The following ABCB11 variants were observed in gnomAD, a reference collection of about 807,000 sequenced individuals.
ABCB11 encodes the protein bile salt export pump.
Under a neutral mutation model 148.0 loss-of-function variants are expected in ABCB11, and 95 were observed. The ratio of observed to expected loss-of-function variants is 0.64; its 90% CI spans 0.54 to 0.76. The LOEUF is 0.76. Ranked by LOEUF, ABCB11 falls within the 30% of genes least tolerant of loss-of-function variation. The pLI is 0.00. For synonymous variants in ABCB11, 591 were observed against 555.4 expected (o/e 1.06, Z -0.90); for missense variants, 1,523 against 1,617.8 (o/e 0.94, Z 1.01).
chr2:168,983,937 G>C (rs1467041680), intron 10 of ABCB11, among the ~76,000 whole-genome samples: 1 of 152,030 alleles, frequency 6.6e-6, no homozygotes, highest in Non-Finnish European at 1.5e-5. Flanking sequence ...AGATTTTACT[G>C]TCTGAGGGTA....
chr2:168,945,107 G>C, intron 19 of ABCB11, 146 bp from the exon 20 acceptor site: 1 of 592,548 alleles, frequency 1.7e-6, no homozygotes, highest in Non-Finnish European at 3.0e-6. Context: ...GAACCCTAAT[G>C]TAAGCTGTGG....
In ABCB11 at chr2:169,009,590, A is replaced by AG. The variant is rs1417797660; in HGVS notation, c.389+3681dup. Among the ~76,000 whole-genome samples the AG allele has an allele frequency of 3.4e-3, 217 of 64,446 alleles. 1 individual carries two copies. In the Middle Eastern group the frequency reaches 0.065, roughly 19 times the overall value. The allele number at this position is 64,446 out of a possible 152,430, so 42.3% of individuals were successfully genotyped here. ...CTGGGGCCTGTTGTGGGGTGGGGGG[A>AG]GGGGGGAGGGATAGCATCAGGAGAA... On this transcript the variant is annotated intron_variant, in intron 5 of 27. Coordinates refer to ENST00000650372, the MANE Select transcript of ABCB11 (RefSeq NM_003742.4).
chr2:168,974,514 C>A (rs766791324), intron 12 of ABCB11, among the ~76,000 whole-genome samples: 1 of 151,918 alleles, frequency 6.6e-6, no homozygotes, highest in Non-Finnish European at 1.5e-5. Flanking sequence ...CAAAACCTCA[C>A]GCCTTTCATT....
intron 22 of ABCB11, among the ~76,000 whole-genome samples, chr2:168,935,728 C>T (rs1038918062): frequency 1.3e-5 from 2 of 152,188 alleles, no homozygotes; most frequent in South Asian, 4.1e-4. Context: ...TAGCTAAAAC[C>T]TAAGTGTATC....
At chr2:168,963,690 C>T (rs890370422) in intron 18 of ABCB11, among the ~76,000 whole-genome samples, 1 of 151,750 alleles carries the variant, frequency 6.6e-6, no homozygotes, top group African/African-American at 2.4e-5. Flanking sequence ...TGTATGAAAT[C>T]AACAAATGTC....
chr2:168,981,438 C>A (rs1039245994), intron 10 of ABCB11, among the ~76,000 whole-genome samples: 1 of 152,094 alleles, frequency 6.6e-6, no homozygotes, highest in African/African-American at 2.4e-5. Flanking sequence ...TCTTCATCTG[C>A]AACACAGGGA....
intron 10 of ABCB11, among the ~76,000 whole-genome samples, chr2:168,984,675 T>G (rs1694254237): frequency 6.6e-6 from 1 of 152,180 alleles, no homozygotes; most frequent in Admixed American, 6.6e-5. Flanking sequence ...TCATGGCATA[T>G]TTTCTTTTTG....
At chr2:168,999,948 T>C (rs989725429) in intron 5 of ABCB11, among the ~76,000 whole-genome samples, 1 of 152,146 alleles carries the variant, frequency 6.6e-6, no homozygotes, top group African/African-American at 2.4e-5. Context: ...TGAGTGATGG[T>C]AGAGTGATCC....
intron 19 of ABCB11, among the ~76,000 whole-genome samples, chr2:168,945,801 G>A (rs1268878295): frequency 6.6e-6 from 1 of 151,794 alleles, no homozygotes; most frequent in African/African-American, 2.4e-5. Context: ...TAATTTGCCG[G>A]TTAATTAGTT....
chr2:168,964,925 C>A (rs1011089214), intron 17 of ABCB11, among the ~76,000 whole-genome samples: 1 of 151,774 alleles, frequency 6.6e-6, no homozygotes, highest in Non-Finnish European at 1.5e-5. Flanking sequence ...ACTTACAAAC[C>A]AATGCCAGGT....
At chr2:168,962,428 C>T (rs561594853) in intron 18 of ABCB11, among the ~76,000 whole-genome samples, 1 of 151,670 alleles carries the variant, frequency 6.6e-6, no homozygotes, top group East Asian at 2.0e-4. Context: ...TGAATTGTTC[C>T]TGCATCAAGA....
intron 19 of ABCB11, among the ~76,000 whole-genome samples, chr2:168,946,119 T>C (rs1692293745): frequency 6.6e-6 from 1 of 151,858 alleles, no homozygotes; most frequent in African/African-American, 2.4e-5. Flanking sequence ...GTGAAATGGA[T>C]TTTGTGCATA....
Position 168,924,780 on chromosome 2 carries a change from G to A in ABCB11, c.3642C>T (p.Ser1214=). ...LPEKYETNVG[S]QGSQLSRGEK... The stretch of plus-strand genomic sequence containing the variant: ...CCCCTCTAGAGAGTTGAGACCCCTG[G>A]GACCCAACGTTAGTTTCATATTTCT... The change falls in exon 27 of 28, where the codon TCC becomes TCT. Residue 1214 remains serine, a synonymous_variant. Coordinates refer to ENST00000650372, the MANE Select transcript of ABCB11 (RefSeq NM_003742.4). 1.2e-6 allele frequency: 2 copies of A among 1,606,184 alleles called. No individual in the cohort carries two copies. The highest frequency in any genetic ancestry group is 1.1e-5 in the South Asian group (1 of 88,968).
In ABCB11 at chr2:168,958,086, C is replaced by T. The variant is rs756337359; in HGVS notation, c.2221G>A (p.Val741Ile). The change falls in exon 19 of 28, where the codon GTT becomes ATT. Residue 741 changes from valine (V) to isoleucine (I), a missense_variant. Coordinates refer to ENST00000650372, the MANE Select transcript of ABCB11 (RefSeq NM_003742.4). ...PVQEEVEPAP[V>I]RRILKFSAPE... ...GCACTGAATTTCAGAATCCTCCTAA[C>T]TGGGGCAGGTTCAACTTCTTCCTGC... 5.0e-6 allele frequency: 8 copies of T among 1,611,146 alleles called. No homozygotes were observed. The African/African-American group carries it at 9.4e-5, about 19-fold the overall frequency.
chr2:168,930,702 A>G lies in ABCB11; in HGVS notation c.3374T>C (p.Leu1125Pro). The G allele has an allele frequency of 6.3e-7, 1 of 1,580,656 alleles. No individual in the cohort carries two copies. The highest frequency in any genetic ancestry group is 8.6e-7 in the Non-Finnish European group (1 of 1,157,776). The change falls in exon 25 of 28, where the codon CTG becomes CCG. Residue 1125 changes from leucine to proline, a missense_variant. Coordinates refer to ENST00000650372, the MANE Select transcript of ABCB11 (RefSeq NM_003742.4). ...SGCGKSTSIQ[L>P]LERFYDPDQG... is the part of the protein sequence containing the mutation. ...ATCAGGATCATAGAAACGTTCCAAC[A>G]GCTGAATGCTAGTGCTTTTGCCACA... is the stretch of plus-strand genomic sequence containing the variant.
intron 17 of ABCB11, among the ~76,000 whole-genome samples, chr2:168,965,671 T>C (rs1558890873): frequency 6.6e-6 from 1 of 151,810 alleles, no homozygotes; most frequent in Non-Finnish European, 1.5e-5. Flanking sequence ...TCACCTGAAG[T>C]AAATGGTGTA....
At chr2:168,974,604 A>T (rs552151029) in intron 12 of ABCB11, among the ~76,000 whole-genome samples, 1 of 152,096 alleles carries the variant, frequency 6.6e-6, no homozygotes, top group East Asian at 1.9e-4. Context: ...GCAAGCAGGC[A>T]TCAAATGTGC....
chr2:168,934,266 A>G (rs1461036090), intron 23 of ABCB11, among the ~76,000 whole-genome samples: 2 of 152,106 alleles, frequency 1.3e-5, no homozygotes, highest in African/African-American at 4.8e-5. Flanking sequence ...GTGGGAGAGA[A>G]GTGCTGAAAG....
chr2:168,942,447 A>G (rs1692106526), intron 21 of ABCB11, among the ~76,000 whole-genome samples: 1 of 151,822 alleles, frequency 6.6e-6, no homozygotes, highest in African/African-American at 2.4e-5. Flanking sequence ...ATTAGTGTGC[A>G]GGGATTTGCC....
Sources: gnomAD v4.1 joint callset for allele counts (sites outside exome capture counted in the v4.1 genomes callset) on GRCh38, gnomAD v4.1.1 for gene constraint, MANE v1.5 for transcripts, NCBI Gene and HGNC (gene_info 2026-07-23, HGNC 2026-07-21) for gene names.